The following NFIB variants were observed in gnomAD, a reference collection of about 807,000 sequenced individuals.
NFIB encodes the protein nuclear factor I B, also known as nuclear factor 1 B-type.
In NFIB, 11 loss-of-function variants were observed where a neutral mutation model predicts 61.5. That is an observed-to-expected ratio of 0.18 (90% CI 0.11 to 0.30). NFIB has a LOEUF of 0.30. Among genes scored for constraint, NFIB ranks in the 10% least tolerant of loss-of-function variants. NFIB has a pLI of 1.00. For synonymous variants in NFIB, 260 were observed against 216.5 expected (o/e 1.20, Z -1.76); for missense variants, 471 against 608.9 (o/e 0.77, Z 2.38).
At chr9:14,274,526 G>T (rs1301948797) in intron 2 of NFIB, among the ~76,000 whole-genome samples, 2 of 152,152 alleles carry the variant, frequency 1.3e-5, no homozygotes, top group African/African-American at 4.8e-5. Context: ...TGCTCTGGCA[G>T]AGCTATTCAT....
intron 3 of NFIB, among the ~76,000 whole-genome samples, chr9:14,159,137 A>G (rs886691220): frequency 7.2e-5 from 11 of 152,174 alleles, no homozygotes; most frequent in African/African-American, 2.4e-4. Context: ...CTCAAGGCCA[A>G]TTCTACCAGT....
intron 6 of NFIB, among the ~76,000 whole-genome samples, chr9:14,139,919 C>T (rs147395160): frequency 1.3e-5 from 2 of 152,250 alleles, no homozygotes; most frequent in East Asian, 3.9e-4. Flanking sequence ...CTTTCCAATG[C>T]CAGGGTAGTA....
chr9:14,386,200 C>T (rs922825087), intron 1 of NFIB, among the ~76,000 whole-genome samples: 1 of 152,148 alleles, frequency 6.6e-6, no homozygotes. Context: ...TTAAATGTAG[C>T]ATAATATATG....
At chr9:14,157,284 G>A (rs917491536) in intron 3 of NFIB, among the ~76,000 whole-genome samples, 1 of 152,074 alleles carries the variant, frequency 6.6e-6, no homozygotes, top group African/African-American at 2.4e-5. Flanking sequence ...AAATTTACCA[G>A]AACAAAAGGC....
chr9:14,088,412 T>C, intron 10 of NFIB, 86 bp from the exon 11 acceptor site: 1 of 1,290,536 alleles, frequency 7.7e-7, no homozygotes, highest in South Asian at 2.1e-5. Flanking sequence ...GAAATATAAA[T>C]TCCAGATGCA....
intron 7 of NFIB, among the ~76,000 whole-genome samples, chr9:14,122,309 T>A (rs910927707): frequency 3.9e-5 from 6 of 152,200 alleles, no homozygotes; most frequent in Non-Finnish European, 5.9e-5. Flanking sequence ...GTCACGACTT[T>A]GTTCTCTGAA....
intron 2 of NFIB, among the ~76,000 whole-genome samples, chr9:14,289,122 G>GCATATATA (rs1440414990): frequency 3.0e-4 from 42 of 139,914 alleles, no homozygotes; most frequent in African/African-American, 1.1e-3. Flanking sequence ...GTGTGTATAT[G>GCATATATA]TATATATATA....
chr9:14,210,101 C>T (rs988991259), intron 2 of NFIB, among the ~76,000 whole-genome samples: 5 of 152,138 alleles, frequency 3.3e-5, no homozygotes, highest in Non-Finnish European at 5.9e-5. Context: ...TGAATTGAAG[C>T]GCTACACATC....
At chr9:14,509,499 T>C in the NFIB span, among the ~76,000 whole-genome samples, 1 of 152,220 alleles carries the variant, frequency 6.6e-6, no homozygotes, top group South Asian at 2.1e-4. Flanking sequence ...TATTAAATAC[T>C]TCCTAACACA....
intron 1 of NFIB, among the ~76,000 whole-genome samples, chr9:14,334,689 G>C (rs2060864306): frequency 6.6e-6 from 1 of 151,924 alleles, no homozygotes; most frequent in Admixed American, 6.6e-5. Flanking sequence ...GTTTATTCAG[G>C]TGTAACTGCC....
chr9:14,185,212 TATC>T (rs1339795932), intron 2 of NFIB, among the ~76,000 whole-genome samples: 1 of 152,162 alleles, frequency 6.6e-6, no homozygotes, highest in African/African-American at 2.4e-5. Flanking sequence ...GGCAAGGGCA[TATC>T]ATAAAAGATA....
In NFIB at chr9:14,346,100, A is replaced by C. The variant is rs139198705; in HGVS notation, c.109-38580T>G. Among the ~76,000 whole-genome samples the C allele has an allele frequency of 4.3e-3, 657 of 152,242 alleles. 5 individuals are homozygous for C. The highest frequency in any genetic ancestry group is 0.015 in the African/African-American group (622 of 41,548). On this transcript the variant is annotated intron_variant, in intron 1 of 8. Coordinates refer to the NFIB transcript ENST00000380934. ...CACAGTAGAAGCGGGACCTGTGCTA[A>C]GCCACGGGAAGGGGGGCGCGCCGCG...
the NFIB span, among the ~76,000 whole-genome samples, chr9:14,440,941 A>G: frequency 1.3e-5 from 2 of 152,210 alleles, no homozygotes; most frequent in African/African-American, 4.8e-5. Flanking sequence ...TGTGTAGAAC[A>G]TACAACTGCA....
the NFIB span, among the ~76,000 whole-genome samples, chr9:14,486,374 G>A: frequency 0.01 from 1,570 of 152,258 alleles, 29 homozygotes; most frequent in African/African-American, 0.034. Context: ...GCAGGAGAAA[G>A]CCCAGGAGGA....
chr9:14,318,360 C>T (rs968935525), upstream of NFIB, among the ~76,000 whole-genome samples: 1 of 152,206 alleles, frequency 6.6e-6, no homozygotes, highest in African/African-American at 2.4e-5. Context: ...CAGAGAGGAG[C>T]TTGACATCTC....
intron 2 of NFIB, among the ~76,000 whole-genome samples, chr9:14,182,227 A>T (rs895447621): frequency 6.6e-6 from 1 of 152,212 alleles, no homozygotes; most frequent in Non-Finnish European, 1.5e-5. Flanking sequence ...TAGACCCTAA[A>T]TTTGAGGCAC....
intron 2 of NFIB, among the ~76,000 whole-genome samples, chr9:14,187,027 ATGTGTGTGTG>A (rs71491637): frequency 0.088 from 5,336 of 60,834 alleles, 327 homozygotes; most frequent in African/African-American, 0.18. Context: ...GTGTGTGTGT[ATGTGTGTGTG>A]TGTGTGTGTG....
intron 9 of NFIB, among the ~76,000 whole-genome samples, chr9:14,114,789 G>A (rs1161141669): frequency 6.6e-6 from 1 of 152,052 alleles, no homozygotes; most frequent in Non-Finnish European, 1.5e-5. Flanking sequence ...CTAGAACTTG[G>A]TTTTGACCAT....
intron 6 of NFIB, among the ~76,000 whole-genome samples, chr9:14,143,228 G>A (rs1243487423): frequency 6.6e-6 from 1 of 152,030 alleles, no homozygotes; most frequent in African/African-American, 2.4e-5. Context: ...ATTGTAATAT[G>A]CTAAAAATAC....
Sources: allele counts gnomAD v4.1 joint callset (sites outside exome capture counted in the v4.1 genomes callset), GRCh38; gene constraint gnomAD v4.1.1; transcripts MANE v1.5; gene names NCBI Gene and HGNC (gene_info 2026-07-23, HGNC 2026-07-21).